RFPL3: variants seen among roughly 807,000 people sequenced by gnomAD.
RFPL3 encodes the protein ret finger protein like 3.
A neutral mutation model predicts 8.7 loss-of-function variants in RFPL3; 8 were observed. The observed-to-expected ratio is 0.92, with a 90% confidence interval of 0.54 to 1.66. The LOEUF (loss-of-function observed/expected upper bound fraction) is 1.66, where lower values mean the gene tolerates loss of function less well. Among genes scored for constraint, RFPL3 ranks in the 40% most tolerant of loss-of-function variants. The pLI is 0.00. For synonymous variants in RFPL3, 145 were observed against 150.5 expected (o/e 0.96, Z 0.27); for missense variants, 341 against 395.0 (o/e 0.86, Z 1.16).
chr22:32,359,986 C>G, intron 1 of RFPL3: 1 of 491,666 alleles, frequency 2.0e-6, no homozygotes, highest in Non-Finnish European at 3.6e-6. Flanking sequence ...AGACCCTCCA[C>G]TCTAAATGAA....
rs1569430584 is a variant in RFPL3, at chr22:32,358,068, A to G, written c.-4A>G. ...GACAAAGCTGGAACACAATACCTCT[A>G]TGCATGAAAAGGTTGTCACTTGTCA... On this transcript the variant is annotated 5_prime_UTR_variant, in exon 1 of 2. It removes an upstream start codon present in the reference 5' UTR. Coordinates refer to ENST00000249007, the MANE Select transcript of RFPL3 (RefSeq NM_001098535.1). The G allele has an allele frequency of 2.5e-6, 4 of 1,611,180 alleles. No homozygotes were observed. The African/African-American group carries it at 4.0e-5, about 16-fold the overall frequency.
Position 32,360,799 on chromosome 22 carries a change from T to C in RFPL3, c.921T>C (p.Thr307=), listed in dbSNP as rs371941623. ...GTCCTTTGATGAACTCAGGCACTAC[T>C]GATGCTCCAGTCCGTCCTGGGGAGG... ...SICPLMNSGT[T]DAPVRPGEAK The change falls in exon 2 of 2, where the codon ACT becomes ACC. Residue 307 remains threonine (T), a synonymous_variant. Coordinates refer to ENST00000249007, the MANE Select transcript of RFPL3 (RefSeq NM_001098535.1). 1.3e-6 allele frequency: 2 copies of C among 1,578,430 alleles called. No individual in the cohort carries two copies. The highest frequency in any genetic ancestry group is 1.7e-6 in the Non-Finnish European group (2 of 1,161,910).
rs148898263 is a variant in RFPL3 at position 32,360,350 on chromosome 22, G to T, written c.472G>T (p.Asp158Tyr). The part of the protein sequence containing the change: ...RSGLITQNRQ[D>Y]LAERFDVSVC... ...TGGGCTCATCACACAGAATCGGCAA[G>T]ACCTTGCCGAGAGATTTGACGTGTC... Residue 158 changes from aspartate to tyrosine, a missense_variant, in exon 2 of 2, where the codon GAC becomes TAC. Coordinates refer to ENST00000249007, the MANE Select transcript of RFPL3 (RefSeq NM_001098535.1). 6.2e-7 allele frequency: 1 copy of T among 1,613,832 alleles called. No homozygotes were observed. Among genetic ancestry groups the T allele is most frequent in the Non-Finnish European group, 8.5e-7 (1 of 1,179,874 alleles).
At position 32,358,426 on chromosome 22, in the gene RFPL3, A is replaced by C. The variant is rs746103025; in HGVS notation, c.355A>C (p.Arg119=). ...GAAGAAGATTCTACAGATGAACCCA[A>C]GGATGCGGAAGTTCCAAGGTAAGGA... ...KLKKILQMNP[R]MRKFQVDMTL... Residue 119 remains arginine (R), a synonymous_variant, in exon 1 of 2, where the codon AGG becomes CGG. Transcript: ENST00000249007. 1.9e-6 allele frequency: 3 copies of C among 1,613,528 alleles called. No individual in the cohort carries two copies. The East Asian group carries it at 6.7e-5, about 36-fold the overall frequency.
Position 32,360,755 on chromosome 22 carries a change from C to G in RFPL3, c.877C>G (p.Gln293Glu), listed in dbSNP as rs764774220. 10 of 1,613,078 alleles carry G rather than the reference C, an allele frequency of 6.2e-6. No individual in the cohort carries two copies. The East Asian group carries it at 2.2e-4, about 36-fold the overall frequency. Residue 293 changes from glutamine (Q) to glutamate (E), a missense_variant, in exon 2 of 2, where the codon CAA becomes GAA. By Grantham distance (29) the Gln-to-Glu change is conservative (BLOSUM62 2). Coordinates refer to ENST00000249007, the MANE Select transcript of RFPL3 (RefSeq NM_001098535.1). Reference sequence around the variant, plus strand: ...TCCTTCAATTCCACCTAATGGTGATCAAGGTGTCTTGAGCATCTGTCCTTT... The same window carrying G: ...TCCTTCAATTCCACCTAATGGTGATGAAGGTGTCTTGAGCATCTGTCCTTT... Reference protein sequence around the residue: ...LAPSIPPNGDQGVLSICPLMN... With the variant: ...LAPSIPPNGDEGVLSICPLMN...
At chr22:32,359,419 ATTT>A (rs201804400) in intron 1 of RFPL3, among the ~76,000 whole-genome samples, 2 of 149,210 alleles carry the variant, frequency 1.3e-5, no homozygotes, top group African/African-American at 4.9e-5. Context: ...TATTTTGTAG[ATTT>A]TTTTTTTTCA....
At chr22:32,357,760 C>A, upstream of RFPL3, 1 of 895,264 alleles carries the variant, frequency 1.1e-6, no homozygotes, top group South Asian at 2.6e-5. Flanking sequence ...AGCCATCGTG[C>A]CCAGCCTCTC....
chr22:32,360,831 A>G lies in RFPL3; in HGVS notation c.953A>G (p.Ter318=), dbSNP rs1932778929. The stretch of plus-strand genomic sequence containing the variant: ...CCAGTCCGTCCTGGGGAGGCCAAAT[A>G]AGCCGCCACTGCAAAAAAAAACAGG... The part of the protein sequence containing the change: ...DAPVRPGEAK[*] The change falls in exon 2 of 2, where the codon TAA becomes TGA. Residue 318 remains the stop codon, a stop_retained_variant. Transcript: ENST00000249007. 1 of 1,511,220 alleles carries G rather than the reference A, an allele frequency of 6.6e-7. No individual in the cohort carries two copies. Among genetic ancestry groups the G allele is most frequent in the South Asian group, 1.4e-5 (1 of 72,826 alleles). The allele number at this position is 1,511,220 out of a possible 1,614,324, so 93.6% of individuals were successfully genotyped here.
upstream of RFPL3, among the ~76,000 whole-genome samples, chr22:32,356,402 C>A (rs1199084787): frequency 1.3e-5 from 2 of 150,988 alleles, no homozygotes; most frequent in African/African-American, 4.9e-5. Context: ...CAGGAGACAC[C>A]CCTGGGAGTC....
At chr22:32,354,947 C>A (rs1236354450), upstream of RFPL3, 1 of 152,440 alleles carries the variant, frequency 6.6e-6, no homozygotes. Context: ...AGTTGCTCCT[C>A]CTCCTTTTCC....
At chr22:32,355,079 T>TCGCCCCC (rs1298809700), upstream of RFPL3, among the ~76,000 whole-genome samples, 1 of 132,280 alleles carries the variant, frequency 7.6e-6, no homozygotes, top group South Asian at 2.7e-4. Context: ...TCCCCCCACT[T>TCGCCCCC]GGCATCATTT....
chr22:32,357,427 C>T (rs967973384), upstream of RFPL3, among the ~76,000 whole-genome samples: 7 of 151,470 alleles, frequency 4.6e-5, no homozygotes, highest in African/African-American at 1.2e-4. Context: ...GCCTTGGCCT[C>T]GCAAAGTGCT....
chr22:32,360,620 T>C lies in RFPL3; in HGVS notation c.742T>C (p.Phe248Leu). Residue 248 changes from phenylalanine to leucine, a missense_variant, in exon 2 of 2, where the codon TTT becomes CTT. Phe to Leu is a conservative substitution (Grantham distance 22). Coordinates refer to ENST00000249007, the MANE Select transcript of RFPL3 (RefSeq NM_001098535.1). The stretch of plus-strand genomic sequence containing the variant: ...CCGCAAGTTACAGCGAGTGGGGATT[T>C]TTCTGGATATGGGCATGCAGAACGT... ...VDRKLQRVGI[F>L]LDMGMQNVSF... The C allele has an allele frequency of 6.2e-7, 1 of 1,613,254 alleles. No homozygotes were observed. The highest frequency in any genetic ancestry group is 8.5e-7 in the Non-Finnish European group (1 of 1,179,356).
Position 32,360,408 on chromosome 22 carries a change from G to T in RFPL3, c.530G>T (p.Cys177Phe), listed in dbSNP as rs762252332. 8.1e-6 allele frequency: 13 copies of T among 1,613,946 alleles called. No individual in the cohort carries two copies. The highest frequency in any genetic ancestry group is 2.7e-5 in the African/African-American group (2 of 75,018). ...VCILGSPRFT[C>F]GRHYWEVDVG... Reference sequence around the variant, plus strand: ...ATCCTGGGCTCCCCTCGCTTTACCTGTGGCCGCCACTACTGGGAGGTGGAC... The same window carrying T: ...ATCCTGGGCTCCCCTCGCTTTACCTTTGGCCGCCACTACTGGGAGGTGGAC... The change falls in exon 2 of 2, where the codon TGT (cysteine) becomes TTT (phenylalanine). Residue 177 changes from cysteine to phenylalanine, a missense_variant. Coordinates refer to ENST00000249007, the MANE Select transcript of RFPL3 (RefSeq NM_001098535.1).
Position 32,358,421 on chromosome 22 carries a change from A to G in RFPL3, c.350A>G (p.Asn117Ser). ...EPKLKKILQM[N>S]PRMRKFQVDM... ...AAGCTGAAGAAGATTCTACAGATGA[A>G]CCCAAGGATGCGGAAGTTCCAAGGT... is the stretch of plus-strand genomic sequence containing the variant. The change falls in exon 1 of 2, where the codon AAC becomes AGC. Residue 117 changes from asparagine (N) to serine (S), a missense_variant. Physicochemically the swap from Asn to Ser is conservative, Grantham distance 46 (BLOSUM62 1). Coordinates refer to ENST00000249007, the MANE Select transcript of RFPL3 (RefSeq NM_001098535.1). The G allele has an allele frequency of 1.2e-6, 2 of 1,613,878 alleles. No homozygotes were observed. The highest frequency in any genetic ancestry group is 1.7e-6 in the Non-Finnish European group (2 of 1,179,910).
upstream of RFPL3, chr22:32,356,928 C>T (rs888222274): frequency 1.9e-5 from 10 of 514,022 alleles, no homozygotes; most frequent in Non-Finnish European, 3.6e-5. Context: ...GGCCTTTTGG[C>T]TTGGAGCTCC....
At position 32,360,889 on chromosome 22, in the gene RFPL3, A is replaced by C; in HGVS notation, c.*57A>C. On this transcript the variant is annotated 3_prime_UTR_variant, in exon 2 of 2. Transcript: ENST00000249007. ...AATTACTTGGGTGGGTAGACTTAGGAATTTTCTACTTGGTAAAAGCATTAT... is the reference window on the plus strand; with the variant it reads ...AATTACTTGGGTGGGTAGACTTAGGCATTTTCTACTTGGTAAAAGCATTAT... The C allele has an allele frequency of 6.8e-7, 1 of 1,478,556 alleles. No individual in the cohort carries two copies. Among genetic ancestry groups the C allele is most frequent in the Non-Finnish European group, 9.0e-7 (1 of 1,105,308 alleles). 91.6% of individuals were successfully genotyped at this position (1,478,556 alleles called of 1,614,324 possible). A position where few individuals can be genotyped will look rare whatever the true frequency, so the allele number is the denominator to read the frequency against.
chr22:32,358,638 C>T (rs1318328293), intron 1 of RFPL3, among the ~76,000 whole-genome samples, 194 bp downstream of exon 1: 3 of 152,136 alleles, frequency 2.0e-5, no homozygotes, highest in Non-Finnish European at 4.4e-5. Flanking sequence ...AAACAAAAAC[C>T]CGATGTCTAT....
upstream of RFPL3, among the ~76,000 whole-genome samples, chr22:32,355,576 C>T (rs1345749873): frequency 6.6e-6 from 1 of 152,024 alleles, no homozygotes; most frequent in Non-Finnish European, 1.5e-5. Context: ...TGCCAGGCAG[C>T]CCTAGGTGCA....
Sources: gnomAD v4.1 joint callset for allele counts (sites outside exome capture counted in the v4.1 genomes callset) on GRCh38, gnomAD v4.1.1 for gene constraint, MANE v1.5 for transcripts, NCBI Gene and HGNC (gene_info 2026-07-23, HGNC 2026-07-21) for gene names.